Variants in PHF20L1 observed in about 807,000 individuals in gnomAD.
PHF20L1 encodes PHD finger protein 20 like 1.
PHF20L1 carries 44 observed loss-of-function variants against 125.5 expected under a neutral mutation model. The ratio of observed to expected loss-of-function variants is 0.35; its 90% confidence interval spans 0.28 to 0.45. The LOEUF (loss-of-function observed/expected upper bound fraction) is 0.45, where lower values mean the gene tolerates loss of function less well. Ranked by LOEUF, PHF20L1 falls within the 20% of genes least tolerant of loss-of-function variation. The pLI, the probability that PHF20L1 is intolerant of heterozygous loss-of-function variation, is 1.00. For missense variants in PHF20L1, 1,012 were observed against 1,217.2 expected (o/e 0.83, Z 2.51); for synonymous variants, 380 against 403.1 (o/e 0.94, Z 0.69).
rs1323338925 is a variant in PHF20L1 at position 132,777,895 on chromosome 8, G to A, written c.67G>A (p.Asp23Asn). The A allele has an allele frequency of 6.2e-7, 1 of 1,608,660 alleles. No homozygotes were observed. The highest frequency in any genetic ancestry group is 8.5e-7 in the Non-Finnish European group (1 of 1,175,236). The change falls in exon 2 of 21, where the codon GAC (aspartate) becomes AAC (asparagine). Residue 23 changes from aspartate to asparagine, a missense_variant. This residue lies in a region of PHF20L1 where 94 missense variants were observed against 179.5 expected (regional missense o/e 0.52). Coordinates refer to ENST00000395386, the MANE Select transcript of PHF20L1 (RefSeq NM_016018.5). The stretch of plus-strand genomic sequence containing the variant: ...GATTGGTGCTCGTTTGGAGGCACTG[G>A]ACTACTTACAAAAATGGTATGGAAA... ...FEIGARLEAL[D>N]YLQKWYPSRI...
At chr8:132,819,183 C>T (rs1835311556) in intron 12 of PHF20L1, among the ~76,000 whole-genome samples, 1 of 151,786 alleles carries the variant, frequency 6.6e-6, no homozygotes, top group Admixed American at 6.6e-5. Context: ...TTAGCAGTAA[C>T]TATTGGAAAA....
Position 132,847,092 on chromosome 8 carries a change from C to T in PHF20L1, c.*1169C>T, listed in dbSNP as rs1838470622. The T allele has an allele frequency of 6.6e-6, 1 of 152,580 alleles. No homozygotes were observed. The highest frequency in any genetic ancestry group is 6.6e-5 in the Admixed American group (1 of 15,262). The allele number at this position is 152,580 out of a possible 1,614,324, so 9.5% of individuals were successfully genotyped here. ...GGATTTTGAGCCTAGGTCCTACTGT[C>T]TGCCAGTACTCATGTGAGTTGTATG... On this transcript the variant is annotated 3_prime_UTR_variant, in exon 21 of 21. Transcript: ENST00000395386.
chr8:132,812,848 G>A, intron 9 of PHF20L1: 6 of 981,672 alleles, frequency 6.1e-6, no homozygotes, highest in Non-Finnish European at 7.3e-6. Context: ...TTGATAACAG[G>A]CCTGTAGTCA....
intron 5 of PHF20L1, 105 bp downstream of exon 5, chr8:132,798,965 G>C (rs1832724983): frequency 9.6e-7 from 1 of 1,040,304 alleles, no homozygotes; most frequent in South Asian, 1.5e-5. Flanking sequence ...ACTAATTGTA[G>C]GGTTATGTGC....
chr8:132,807,629 A>G (rs1833885866), intron 8 of PHF20L1: 1 of 425,412 alleles, frequency 2.4e-6, no homozygotes, highest in Admixed American at 2.8e-5. Context: ...CTGGATGAAA[A>G]GTAGACCAAG....
At chr8:132,817,108 CAT>C (rs1185005581) in intron 11 of PHF20L1, 32 bp downstream of exon 11, 1 of 1,325,358 alleles carries the variant, frequency 7.5e-7, no homozygotes, top group South Asian at 1.5e-5. Context: ...TAGAACCAAA[CAT>C]AAAAGAAGAT....
intron 19 of PHF20L1, chr8:132,843,602 A>G (rs991771303): frequency 2.2e-6 from 2 of 890,996 alleles, no homozygotes; most frequent in African/African-American, 5.9e-5. Flanking sequence ...ATCCAAACGC[A>G]CATTGTGTGT....
Position 132,816,953 on chromosome 8 carries a change from C to T in PHF20L1, c.1249C>T (p.Arg417Cys). ...TAGTGAGCGGAGAAGAAGATCTCAG[C>T]GTTTAGCCACCTTACCCATGCCTGA... Reference protein sequence around the residue: ...KHSERRRRSQRLATLPMPDDS... With the variant: ...KHSERRRRSQCLATLPMPDDS... The change falls in exon 11 of 21, where the codon CGT becomes TGT. Residue 417 changes from arginine (R) to cysteine (C), a missense_variant. This residue lies in a region of PHF20L1 where 119 missense variants were observed against 160.2 expected (regional missense o/e 0.74). Transcript: ENST00000395386. The T allele has an allele frequency of 1.2e-6, 2 of 1,612,040 alleles. No homozygotes were observed. The highest frequency in any genetic ancestry group is 1.1e-5 in the South Asian group (1 of 91,022).
chr8:132,823,759 T>G (rs1387676045), intron 12 of PHF20L1, among the ~76,000 whole-genome samples: 1 of 151,950 alleles, frequency 6.6e-6, no homozygotes, highest in Admixed American at 6.6e-5. Context: ...AGCTAGTAAG[T>G]GGTGGAACCA....
chr8:132,798,385 C>G (rs576508818), intron 4 of PHF20L1, among the ~76,000 whole-genome samples: 5 of 151,988 alleles, frequency 3.3e-5, no homozygotes, highest in African/African-American at 1.2e-4. Flanking sequence ...TGTATTACTT[C>G]TTTTGAAAGA....
chr8:132,784,575 A>T (rs867950127), intron 2 of PHF20L1, among the ~76,000 whole-genome samples: 3 of 152,254 alleles, frequency 2.0e-5, no homozygotes, highest in Non-Finnish European at 2.9e-5. Flanking sequence ...ATAGACAAAA[A>T]GTCATAGGTA....
At chr8:132,811,920 G>A in intron 9 of PHF20L1, 1 of 974,788 alleles carries the variant, frequency 1.0e-6, no homozygotes, top group Non-Finnish European at 1.2e-6. Flanking sequence ...TAATAAAGAA[G>A]ACTTTGAGTA....
At chr8:132,816,656 ATTTTC>A (rs1835019032) in intron 10 of PHF20L1, 2 of 380,500 alleles carry the variant, frequency 5.3e-6, no homozygotes, top group Non-Finnish European at 9.4e-6. Flanking sequence ...GTTCCATTTT[ATTTTC>A]TTTTAGTTCT....
intron 1 of PHF20L1, among the ~76,000 whole-genome samples, chr8:132,776,154 C>T (rs1474826354): frequency 2.6e-5 from 4 of 152,196 alleles, no homozygotes; most frequent in Non-Finnish European, 5.9e-5. Context: ...GACTGTCTTA[C>T]TTTATGAAAG....
intron 2 of PHF20L1, among the ~76,000 whole-genome samples, chr8:132,784,378 G>T (rs1830772732): frequency 6.6e-6 from 1 of 152,126 alleles, no homozygotes; most frequent in Non-Finnish European, 1.5e-5. Context: ...TGTGATTTTG[G>T]AGAGGTATTT....
intron 9 of PHF20L1, chr8:132,812,021 T>G: frequency 1.0e-6 from 1 of 984,002 alleles, no homozygotes; most frequent in Non-Finnish European, 1.2e-6. Flanking sequence ...AGGCCTGATT[T>G]GATAACAATG....
At chr8:132,791,542 C>T (rs1486445865) in intron 2 of PHF20L1, among the ~76,000 whole-genome samples, 1 of 152,094 alleles carries the variant, frequency 6.6e-6, no homozygotes, top group Non-Finnish European at 1.5e-5. Context: ...CATGAGCCAC[C>T]GTGGCTGGCC....
At chr8:132,828,023 T>G (rs1223511356) in intron 14 of PHF20L1, among the ~76,000 whole-genome samples, 3 of 152,030 alleles carry the variant, frequency 2.0e-5, no homozygotes, top group African/African-American at 7.2e-5. Flanking sequence ...ATGGTTAAAT[T>G]AGAAGAGTGG....
At chr8:132,824,777 A>G (rs1835976527) in intron 13 of PHF20L1, 1 of 186,210 alleles carries the variant, frequency 5.4e-6, no homozygotes, top group African/African-American at 2.3e-5. Flanking sequence ...TGTTAAACAC[A>G]CAAAGAATGT....
Sources: allele counts gnomAD v4.1 joint callset (sites outside exome capture counted in the v4.1 genomes callset), GRCh38; gene constraint gnomAD v4.1.1; regional missense constraint gnomAD v4.1.1; transcripts MANE v1.5; gene names NCBI Gene and HGNC (gene_info 2026-07-23, HGNC 2026-07-21).